The following TARBP1 variants were observed in gnomAD, a reference collection of about 807,000 sequenced individuals.
TARBP1 encodes tRNA guanosine 2 -O-methyltransferase TARBP1.
A neutral mutation model predicts 178.6 loss-of-function variants in TARBP1; 144 were observed. The observed-to-expected ratio is 0.81, with a 90% CI of 0.70 to 0.93. The LOEUF (loss-of-function observed/expected upper bound fraction) is 0.93, where lower values mean the gene tolerates loss of function less well. Ranked by LOEUF, TARBP1 falls within the 40% of genes least tolerant of loss-of-function variation. TARBP1 has a pLI of 0.00. For missense variants in TARBP1, 2,067 were observed against 2,011.7 expected (o/e 1.03, Z -0.53); for synonymous variants, 787 against 781.0 (o/e 1.01, Z -0.13).
intron 20 of TARBP1, among the ~76,000 whole-genome samples, chr1:234,422,786 T>A (rs1389746041): frequency 6.6e-6 from 1 of 152,214 alleles, no homozygotes; most frequent in African/African-American, 2.4e-5. Context: ...GTGACAGATA[T>A]CTCATTTACC....
intron 9 of TARBP1, among the ~76,000 whole-genome samples, chr1:234,453,376 G>C (rs1330974475): frequency 6.7e-6 from 1 of 148,690 alleles, no homozygotes; most frequent in African/African-American, 2.5e-5. Flanking sequence ...AATATACTGA[G>C]ACAGGGTCTC....
chr1:234,394,077 T>C (rs746498016), intron 26 of TARBP1, among the ~76,000 whole-genome samples: 7 of 152,200 alleles, frequency 4.6e-5, no homozygotes, highest in Non-Finnish European at 7.3e-5. Context: ...TGATACTTCA[T>C]GGAAACATGA....
intron 9 of TARBP1, among the ~76,000 whole-genome samples, chr1:234,455,835 A>G (rs1667216477): frequency 1.3e-5 from 2 of 152,190 alleles, no homozygotes; most frequent in African/African-American, 4.8e-5. Context: ...AGCACTTACA[A>G]ATCAAGTAAA....
At position 234,393,629 on chromosome 1, in the gene TARBP1, G is replaced by C; in HGVS notation, c.4435+17C>G. 6.3e-7 allele frequency: 1 copy of C among 1,594,818 alleles called. No individual in the cohort carries two copies. Among genetic ancestry groups the C allele is most frequent in the Non-Finnish European group, 8.6e-7 (1 of 1,167,882 alleles). On this transcript the variant is annotated intron_variant, in intron 27 of 29. Coordinates refer to ENST00000040877, the MANE Select transcript of TARBP1 (RefSeq NM_005646.4). Reference sequence around the variant, plus strand: ...CAAAAGCTTTCAGGCAAAGCTCCCAGAAAACTCCAACTTTACCTCCTAAAT... The same window carrying C: ...CAAAAGCTTTCAGGCAAAGCTCCCACAAAACTCCAACTTTACCTCCTAAAT...
rs1663929309 is a variant in TARBP1 at position 234,427,630 on chromosome 1, C to T, written c.3197G>A (p.Ser1066Asn). 1.3e-6 allele frequency: 2 copies of T among 1,599,164 alleles called. No individual in the cohort carries two copies. Among genetic ancestry groups the T allele is most frequent in the African/African-American group, 2.7e-5 (2 of 74,010 alleles). ...TATACAAGCCTCAAGGATAAGTTCGCTATAATTTTTAGCACTTGATAAAGA... is the reference window on the plus strand; with the variant it reads ...TATACAAGCCTCAAGGATAAGTTCGTTATAATTTTTAGCACTTGATAAAGA... ...QGSLSSAKNY[S>N]ELILEACIFG... The change falls in exon 18 of 30, where the codon AGC becomes AAC. Residue 1066 changes from serine (S) to asparagine (N), a missense_variant. Coordinates refer to ENST00000040877, the MANE Select transcript of TARBP1 (RefSeq NM_005646.4).
At position 234,437,380 on chromosome 1, in the gene TARBP1, G is replaced by A; in HGVS notation, c.2135-8C>T. 1 of 1,439,324 alleles carries A rather than the reference G, an allele frequency of 6.9e-7. No individual in the cohort carries two copies. Among genetic ancestry groups the A allele is most frequent in the Non-Finnish European group, 9.5e-7 (1 of 1,055,930 alleles). The allele number at this position is 1,439,324 out of a possible 1,614,324, so 89.2% of individuals were successfully genotyped here. On this transcript the variant is annotated splice_polypyrimidine_tract_variant and splice_region_variant and intron_variant, in intron 12 of 29. Transcript: ENST00000040877. ...GAACAGTAGACACCTCATCTGTATG[G>A]GGGCAAAAAGCATGCAACTAAAATG...
rs1473727918 is a variant in TARBP1 at position 234,392,508 on chromosome 1, T to C, written c.4605A>G (p.Thr1535=). The change falls in exon 29 of 30, where the codon ACA becomes ACG. Residue 1535 remains threonine (T), a synonymous_variant. Transcript: ENST00000040877. ...CCACTCCAATGATGGTATAACCTTC[T>C]GTTTTCTTCTGCTGCAGATAATCAA... ...QLIDYLQQKK[T]EGYTIIGVEQ... 6.2e-7 allele frequency: 1 copy of C among 1,614,164 alleles called. No individual in the cohort carries two copies. The highest frequency in any genetic ancestry group is 8.5e-7 in the Non-Finnish European group (1 of 1,179,992).
At position 234,467,425 on chromosome 1, in the gene TARBP1, C is replaced by T. The variant is rs1025522743; in HGVS notation, c.1248+77G>A. On this transcript the variant is annotated intron_variant, in intron 4 of 29. Coordinates refer to ENST00000040877, the MANE Select transcript of TARBP1 (RefSeq NM_005646.4). ...ATGCAAATCTCCAAAATGTTACTTG[C>T]TGATACAGAATCCTAGTGTATTTTT... is the stretch of plus-strand genomic sequence containing the variant. The T allele has an allele frequency of 2.7e-5, 36 of 1,313,132 alleles. No individual in the cohort carries two copies. In the African/African-American group the frequency reaches 4.9e-4, roughly 18 times the overall value. 81.3% of individuals were successfully genotyped at this position (1,313,132 alleles called of 1,614,324 possible). A position where few individuals can be genotyped will look rare whatever the true frequency, so the allele number is the denominator to read the frequency against.
chr1:234,468,573 C>T (rs912019755), intron 3 of TARBP1, among the ~76,000 whole-genome samples: 2 of 152,002 alleles, frequency 1.3e-5, no homozygotes, highest in African/African-American at 4.8e-5. Flanking sequence ...GGAATAGTTT[C>T]AACCAATTCT....
At position 234,430,131 on chromosome 1, in the gene TARBP1, G is replaced by A. The variant is rs149121974; in HGVS notation, c.2565C>T (p.His855=). The change falls in exon 15 of 30, where the codon CAC becomes CAT. Residue 855 remains histidine (H), a synonymous_variant. Transcript: ENST00000040877. ...GAGCATAACTGCTCTGCTCCTCTGC[G>A]TGGGGCTTCTGCAGCGTCTGATTGA... is the stretch of plus-strand genomic sequence containing the variant. ...LQLNQTLQKP[H]AEEQSSYAHP... 6,513 of 1,614,168 alleles carry A rather than the reference G, an allele frequency of 4.0e-3. 17 individuals carry two copies. Among genetic ancestry groups the A allele is most frequent in the Non-Finnish European group, 4.7e-3 (5,602 of 1,180,032 alleles).
At chr1:234,430,035 C>A in intron 15 of TARBP1, 52 bp downstream of exon 15, 1 of 1,528,644 alleles carries the variant, frequency 6.5e-7, no homozygotes, top group Non-Finnish European at 8.9e-7. Flanking sequence ...CAATCATGAA[C>A]TCACGGTGAC....
intron 9 of TARBP1, among the ~76,000 whole-genome samples, chr1:234,452,623 C>T (rs1666894005): frequency 6.6e-6 from 1 of 152,088 alleles, no homozygotes; most frequent in Non-Finnish European, 1.5e-5. Context: ...GGTAGGAATG[C>T]AAAATAGTAT....
intron 4 of TARBP1, 26 bp downstream of exon 4, chr1:234,467,476 C>A: frequency 6.6e-7 from 1 of 1,517,212 alleles, no homozygotes; most frequent in Non-Finnish European, 8.8e-7. Context: ...ACAATGGGAG[C>A]AAGGAAGGGG....
chr1:234,393,832 T>C lies in TARBP1; in HGVS notation c.4249A>G (p.Asn1417Asp). ...GDWSQQDIGT[N>D]LVEADNQAEW... is the part of the protein sequence containing the mutation. Reference sequence around the variant, plus strand: ...GCTTGGTTATCTGCTTCGACCAAATTAGTACCTGGGAAGGAAAAAGAAAAC... The same window carrying C: ...GCTTGGTTATCTGCTTCGACCAAATCAGTACCTGGGAAGGAAAAAGAAAAC... Residue 1417 changes from asparagine (N) to aspartate (D), a missense_variant, in exon 27 of 30, where the codon AAT (asparagine) becomes GAT (aspartate). By Grantham distance (23) the Asn-to-Asp change is conservative. Coordinates refer to ENST00000040877, the MANE Select transcript of TARBP1 (RefSeq NM_005646.4). 6.2e-7 allele frequency: 1 copy of C among 1,602,504 alleles called. No individual in the cohort carries two copies. The highest frequency in any genetic ancestry group is 8.5e-7 in the Non-Finnish European group (1 of 1,172,468).
At chr1:234,434,527 G>C (rs1422344932) in intron 13 of TARBP1, among the ~76,000 whole-genome samples, 1 of 152,194 alleles carries the variant, frequency 6.6e-6, no homozygotes. Flanking sequence ...TTAAGAAACT[G>C]GCAGGATGGT....
intron 19 of TARBP1, among the ~76,000 whole-genome samples, 157 bp from the exon 20 acceptor site, chr1:234,425,950 T>TAGA (rs1663699658): frequency 1.3e-5 from 2 of 152,242 alleles, no homozygotes; most frequent in African/African-American, 2.4e-5. Context: ...TAATTTAGAA[T>TAGA]AGATAACAGA....
intron 9 of TARBP1, among the ~76,000 whole-genome samples, chr1:234,456,738 C>T (rs774514106): frequency 4.6e-5 from 7 of 151,918 alleles, no homozygotes; most frequent in South Asian, 2.1e-4. Context: ...TAAGAGAATA[C>T]GTATATTCAT....
chr1:234,448,435 A>G (rs554787390), intron 11 of TARBP1, 45 bp downstream of exon 11: 1 of 1,528,426 alleles, frequency 6.5e-7, no homozygotes, highest in South Asian at 1.1e-5. Flanking sequence ...AATTCTCATC[A>G]GGATTTTTCA....
chr1:234,462,106 T>C (rs1667916149), intron 6 of TARBP1, among the ~76,000 whole-genome samples: 1 of 151,638 alleles, frequency 6.6e-6, no homozygotes, highest in Non-Finnish European at 1.5e-5. Context: ...CCATTTGCAC[T>C]AACTAAATTC....
Sources: gnomAD v4.1 joint callset for allele counts (sites outside exome capture counted in the v4.1 genomes callset) on GRCh38, gnomAD v4.1.1 for gene constraint, MANE v1.5 for transcripts, NCBI Gene and HGNC (gene_info 2026-07-23, HGNC 2026-07-21) for gene names.